The following DGKB variants were observed in gnomAD, a reference collection of about 807,000 sequenced individuals.
DGKB encodes diacylglycerol kinase beta, also known as 90 kDa diacylglycerol kinase.
DGKB carries 67 observed loss-of-function variants against 114.3 expected under a neutral mutation model. The observed-to-expected ratio is 0.59, with a 90% confidence interval of 0.48 to 0.72. DGKB has a LOEUF of 0.72. Among genes scored for constraint, DGKB ranks in the 30% least tolerant of loss-of-function variants. DGKB has a pLI of 0.00. For missense variants in DGKB, 907 were observed against 975.2 expected (o/e 0.93, Z 0.93); for synonymous variants, 398 against 323.1 (o/e 1.23, Z -2.49).
chr7:14,920,572 T>C (rs1295964907), intron 1 of DGKB, among the ~76,000 whole-genome samples: 3 of 152,234 alleles, frequency 2.0e-5, no homozygotes, highest in Non-Finnish European at 4.4e-5. Flanking sequence ...AATGTGACTT[T>C]GGAAGACAGT....
chr7:14,500,921 C>T (rs902677229), intron 20 of DGKB, among the ~76,000 whole-genome samples: 1 of 151,582 alleles, frequency 6.6e-6, no homozygotes, highest in Non-Finnish European at 1.5e-5. Context: ...CATTTCTAGG[C>T]AAAATGTAGA....
At chr7:14,540,087 C>T (rs746550326) in intron 20 of DGKB, among the ~76,000 whole-genome samples, 98 of 151,860 alleles carry the variant, frequency 6.5e-4, no homozygotes, top group Non-Finnish European at 1.0e-3. Context: ...TGCACAGACC[C>T]TGTACTTAGT....
chr7:14,262,177 T>C lies in DGKB; in HGVS notation c.2122+76338A>G, dbSNP rs1357429770. Among the ~76,000 whole-genome samples, 3 of 152,174 alleles carry C rather than the reference T, an allele frequency of 2.0e-5. No individual in the cohort carries two copies. In the East Asian group the frequency reaches 5.8e-4, roughly 29 times the overall value. On this transcript the variant is annotated intron_variant, in intron 23 of 25. Coordinates refer to ENST00000402815, the MANE Select transcript of DGKB (RefSeq NM_001350709.2). ...CAGCCTAAAAAAGGAAACCCAGTAGTCCAATGGTCTTGGGTAGAAAGAGTT... is the reference window on the plus strand; with the variant it reads ...CAGCCTAAAAAAGGAAACCCAGTAGCCCAATGGTCTTGGGTAGAAAGAGTT...
At chr7:14,781,501 A>G (rs1839083977) in intron 2 of DGKB, among the ~76,000 whole-genome samples, 1 of 152,076 alleles carries the variant, frequency 6.6e-6, no homozygotes, top group South Asian at 2.1e-4. Flanking sequence ...CTCACCTGCT[A>G]ATATTCTGTC....
At chr7:14,487,583 C>CTTTTT (rs11433526) in intron 20 of DGKB, among the ~76,000 whole-genome samples, 1 of 125,920 alleles carries the variant, frequency 7.9e-6, no homozygotes, top group African/African-American at 3.0e-5. Flanking sequence ...AAGAAAATTC[C>CTTTTT]TTTTTTTTTT....
chr7:14,504,666 G>A (rs1207661880), intron 20 of DGKB, among the ~76,000 whole-genome samples: 2 of 152,042 alleles, frequency 1.3e-5, no homozygotes, highest in African/African-American at 2.4e-5. Flanking sequence ...TAAGTTGTCA[G>A]TATATGAAAA....
intron 23 of DGKB, among the ~76,000 whole-genome samples, chr7:14,315,849 C>G (rs1192440331): frequency 2.0e-5 from 3 of 147,358 alleles, no homozygotes; most frequent in African/African-American, 7.6e-5. Context: ...AGCACCACAC[C>G]ACACCTATTC....
At chr7:14,799,615 A>G (rs954416776) in intron 2 of DGKB, among the ~76,000 whole-genome samples, 3 of 152,162 alleles carry the variant, frequency 2.0e-5, no homozygotes, top group Admixed American at 2.0e-4. Flanking sequence ...TCTCCCTACA[A>G]CTAAGAAAGC....
chr7:14,946,229 C>T (rs1333733603), intron 1 of DGKB, among the ~76,000 whole-genome samples: 1 of 151,406 alleles, frequency 6.6e-6, no homozygotes, highest in Non-Finnish European at 1.5e-5. Context: ...AGCATTTGTG[C>T]TTTTGGTTTT....
intron 17 of DGKB, among the ~76,000 whole-genome samples, chr7:14,606,756 T>C (rs1284433574): frequency 6.6e-6 from 1 of 152,072 alleles, no homozygotes; most frequent in Non-Finnish European, 1.5e-5. Context: ...TTTGTTTAGG[T>C]GCATATCAGT....
At chr7:14,382,001 G>A (rs1819554768) in intron 21 of DGKB, among the ~76,000 whole-genome samples, 2 of 152,168 alleles carry the variant, frequency 1.3e-5, no homozygotes, top group Admixed American at 6.5e-5. Flanking sequence ...TCTTTTTGGA[G>A]TCTGAGTTAT....
intron 1 of DGKB, among the ~76,000 whole-genome samples, chr7:14,850,156 T>C (rs1276240665): frequency 1.3e-5 from 2 of 152,180 alleles, no homozygotes; most frequent in African/African-American, 4.8e-5. Context: ...ATTGGCAACA[T>C]GGTGGCCACT....
intron 1 of DGKB, among the ~76,000 whole-genome samples, chr7:14,886,863 C>T (rs778270467): frequency 9.2e-5 from 14 of 151,846 alleles, no homozygotes; most frequent in East Asian, 1.9e-4. Flanking sequence ...AACAGCCTTG[C>T]GCCATCTGAC....
chr7:14,219,616 A>G (rs1449789270), intron 23 of DGKB, among the ~76,000 whole-genome samples: 1 of 151,782 alleles, frequency 6.6e-6, no homozygotes, highest in East Asian at 1.9e-4. Flanking sequence ...GACATCTGCC[A>G]TGCTGTAATT....
At chr7:14,520,716 T>C (rs914684905) in intron 20 of DGKB, among the ~76,000 whole-genome samples, 1 of 152,082 alleles carries the variant, frequency 6.6e-6, no homozygotes, top group Non-Finnish European at 1.5e-5. Flanking sequence ...TTTATATTCA[T>C]TGAGACTTGT....
chr7:14,356,251 A>G (rs1356542827), intron 21 of DGKB, among the ~76,000 whole-genome samples: 2 of 144,048 alleles, frequency 1.4e-5, no homozygotes, highest in Middle Eastern at 3.7e-3. Flanking sequence ...TTATTTTTTG[A>G]GGGGTTTTTT....
chr7:14,747,771 A>ACGCACG (rs1554636358), intron 4 of DGKB, among the ~76,000 whole-genome samples: 5 of 92,120 alleles, frequency 5.4e-5, no homozygotes, highest in Non-Finnish European at 7.9e-5. Context: ...AAACACATCC[A>ACGCACG]CGCGCACGCA....
chr7:14,490,635 G>T (rs1253289872), intron 20 of DGKB, among the ~76,000 whole-genome samples: 2 of 152,138 alleles, frequency 1.3e-5, no homozygotes, highest in African/African-American at 4.8e-5. Flanking sequence ...ACTTGAAGCT[G>T]TCCTACTGGC....
At chr7:14,576,701 C>T (rs1799171121) in intron 19 of DGKB, among the ~76,000 whole-genome samples, 1 of 152,100 alleles carries the variant, frequency 6.6e-6, no homozygotes, top group Admixed American at 6.6e-5. Context: ...AATGTAGGAA[C>T]AGCAACCTAA....
Sources: allele counts gnomAD v4.1 joint callset (sites outside exome capture counted in the v4.1 genomes callset), GRCh38; gene constraint gnomAD v4.1.1; transcripts MANE v1.5; gene names NCBI Gene and HGNC (gene_info 2026-07-23, HGNC 2026-07-21).